The following PTPRD variants were observed in gnomAD, a reference collection of about 807,000 sequenced individuals.
The protein encoded by PTPRD is receptor-type tyrosine-protein phosphatase delta.
In PTPRD, 34 loss-of-function variants were observed where a neutral mutation model predicts 214.5. The ratio of observed to expected loss-of-function variants is 0.16; its 90% confidence interval spans 0.12 to 0.21. PTPRD has a LOEUF of 0.21. PTPRD is among the 10% of genes least tolerant of loss of function. The probability of loss-of-function intolerance (pLI) is 1.00; values close to 1 mark genes in which losing one functional copy is unlikely to be tolerated. For synonymous variants in PTPRD, 1,128 were observed against 845.7 expected, an observed-to-expected ratio of 1.33 and a Z score of -5.79; for missense variants, 2,545 against 2,398.7, an observed-to-expected ratio of 1.06 and a Z score of -1.27.
chr9:10,598,697 T>TG (rs907029952), intron 2 of PTPRD, among the ~76,000 whole-genome samples: 64 of 96,780 alleles, frequency 6.6e-4, no homozygotes, highest in African/African-American at 2.1e-3. Flanking sequence ...TGTGTGTGTG[T>TG]GTGTGTGGTG....
intron 5 of PTPRD, among the ~76,000 whole-genome samples, chr9:9,790,701 C>T (rs1377285946): frequency 6.6e-6 from 1 of 152,164 alleles, no homozygotes; most frequent in African/African-American, 2.4e-5. Context: ...GACATTCACA[C>T]AAATGTTTGT....
intron 8 of PTPRD, among the ~76,000 whole-genome samples, chr9:9,415,183 T>C (rs1013856897): frequency 6.6e-6 from 1 of 151,908 alleles, no homozygotes; most frequent in Non-Finnish European, 1.5e-5. Context: ...AGTCACAGAG[T>C]TCCTTCAGAT....
chr9:10,463,427 C>A (rs1271578665), intron 2 of PTPRD, among the ~76,000 whole-genome samples: 1 of 151,974 alleles, frequency 6.6e-6, no homozygotes, highest in Admixed American at 6.6e-5. Context: ...ACACAGAACA[C>A]AGAAGTAGAA....
At chr9:9,852,636 T>G (rs1005753638) in intron 5 of PTPRD, among the ~76,000 whole-genome samples, 4 of 152,150 alleles carry the variant, frequency 2.6e-5, no homozygotes, top group African/African-American at 9.7e-5. Flanking sequence ...CTTTATATTG[T>G]CTTTATAAAT....
At chr9:10,325,543 G>T (rs1310634818) in intron 3 of PTPRD, among the ~76,000 whole-genome samples, 2 of 151,838 alleles carry the variant, frequency 1.3e-5, no homozygotes, top group African/African-American at 4.8e-5. Context: ...ATTGCAAACT[G>T]CTAAACAATA....
intron 5 of PTPRD, among the ~76,000 whole-genome samples, chr9:9,851,749 C>G (rs947048587): frequency 3.9e-5 from 6 of 152,134 alleles, no homozygotes; most frequent in African/African-American, 1.4e-4. Flanking sequence ...CACTGCATTC[C>G]AACCTGGACA....
chr9:9,348,437 C>A (rs977455439), intron 9 of PTPRD, among the ~76,000 whole-genome samples: 2 of 152,058 alleles, frequency 1.3e-5, no homozygotes, highest in Non-Finnish European at 2.9e-5. Flanking sequence ...ATTCCTTTGA[C>A]GTTATCTCTT....
chr9:9,783,412 A>G (rs2098879216), intron 5 of PTPRD, among the ~76,000 whole-genome samples: 1 of 152,126 alleles, frequency 6.6e-6, no homozygotes, highest in African/African-American at 2.4e-5. Context: ...TTGTTAGCCT[A>G]CTGAATCATG....
intron 2 of PTPRD, among the ~76,000 whole-genome samples, chr9:10,449,488 G>C (rs947595240): frequency 5.4e-5 from 8 of 148,826 alleles, no homozygotes; most frequent in Non-Finnish European, 1.2e-4. Context: ...GAGCCTCTCT[G>C]CCTGGCTGCC....
chr9:8,397,647 G>A lies in PTPRD; in HGVS notation c.4210+6890C>T, dbSNP rs536134662. ...CTTACCCACAGAACACTCTGCAGAAGAGAGGCTAAGACACAACTGAAACCT... is the reference window on the plus strand; with the variant it reads ...CTTACCCACAGAACACTCTGCAGAAAAGAGGCTAAGACACAACTGAAACCT... On this transcript the variant is annotated intron_variant, in intron 36 of 45. Coordinates refer to ENST00000381196, the MANE Select transcript of PTPRD (RefSeq NM_002839.4). Among the ~76,000 whole-genome samples, 287 of 152,302 alleles carry A rather than the reference G, an allele frequency of 1.9e-3. 3 individuals are homozygous for A. The highest frequency in any genetic ancestry group is 3.3e-3 in the South Asian group (16 of 4,828).
intron 10 of PTPRD, among the ~76,000 whole-genome samples, chr9:9,179,245 G>A (rs2099926694): frequency 6.6e-6 from 1 of 152,026 alleles, no homozygotes; most frequent in Non-Finnish European, 1.5e-5. Context: ...ACATGATACT[G>A]CATAGCATTT....
chr9:8,960,548 C>T (rs554228551), intron 11 of PTPRD, among the ~76,000 whole-genome samples: 1 of 152,146 alleles, frequency 6.6e-6, no homozygotes, highest in South Asian at 2.1e-4. Context: ...AAGAAGATGT[C>T]GTGCATTAAA....
intron 8 of PTPRD, among the ~76,000 whole-genome samples, chr9:9,532,616 G>A (rs2075726114): frequency 6.6e-6 from 1 of 152,132 alleles, no homozygotes; most frequent in Non-Finnish European, 1.5e-5. Flanking sequence ...GCATCTTTGA[G>A]TCTGTGCTGC....
chr9:10,552,714 T>C (rs941912625), intron 2 of PTPRD, among the ~76,000 whole-genome samples: 2 of 152,116 alleles, frequency 1.3e-5, no homozygotes, highest in African/African-American at 4.8e-5. Flanking sequence ...TTCTATTTCC[T>C]TTCAGTCTTC....
chr9:9,241,152 T>C (rs1038048847), intron 9 of PTPRD, among the ~76,000 whole-genome samples: 1 of 152,194 alleles, frequency 6.6e-6, no homozygotes, highest in Non-Finnish European at 1.5e-5. Context: ...TTATGATTAC[T>C]TATTTGAAAT....
intron 2 of PTPRD, among the ~76,000 whole-genome samples, chr9:10,554,305 T>A (rs748319994): frequency 3.3e-5 from 5 of 152,220 alleles, no homozygotes; most frequent in Non-Finnish European, 7.3e-5. Context: ...TCATGGACCT[T>A]TAGCTTGTTC....
intron 3 of PTPRD, among the ~76,000 whole-genome samples, chr9:10,138,490 T>C (rs1347577664): frequency 6.6e-6 from 1 of 152,010 alleles, no homozygotes; most frequent in Non-Finnish European, 1.5e-5. Context: ...CTAACAGATG[T>C]ACATAGAGCT....
In PTPRD at chr9:10,347,022, C is replaced by T. The variant is rs951355301; in HGVS notation, c.-599-6005G>A. Among the ~76,000 whole-genome samples, 13 of 152,172 alleles carry T rather than the reference C, an allele frequency of 8.5e-5. No individual in the cohort carries two copies. The South Asian group carries it at 2.5e-3, about 29-fold the overall frequency. ...ATCTTTCAGGTGGCCACATGCTAGA[C>T]CATGGGAAAAAAAATAAAAATTATC... On this transcript the variant is annotated intron_variant, in intron 2 of 45. Coordinates refer to ENST00000381196, the MANE Select transcript of PTPRD (RefSeq NM_002839.4).
intron 7 of PTPRD, among the ~76,000 whole-genome samples, chr9:9,586,196 T>C (rs2091917650): frequency 6.6e-6 from 1 of 151,978 alleles, no homozygotes; most frequent in Non-Finnish European, 1.5e-5. Flanking sequence ...ATATTTCTTT[T>C]TCCCCTTCCA....
Sources: allele counts gnomAD v4.1 joint callset (sites outside exome capture counted in the v4.1 genomes callset), GRCh38; gene constraint gnomAD v4.1.1; transcripts MANE v1.5; gene names NCBI Gene and HGNC (gene_info 2026-07-23, HGNC 2026-07-21).